The following PREX2 variants were observed in gnomAD, a reference collection of about 807,000 sequenced individuals.
PREX2 encodes the protein phosphatidylinositol 3,4,5-trisphosphate-dependent Rac exchanger 2 protein.
A neutral mutation model predicts 203.2 loss-of-function variants in PREX2; 107 were observed. That is an observed-to-expected ratio of 0.53 (90% confidence interval 0.45 to 0.62). The LOEUF is 0.62. Ranked by LOEUF, PREX2 falls within the 20% of genes least tolerant of loss-of-function variation. The pLI is 0.00. For synonymous variants in PREX2, 672 were observed against 663.6 expected, an observed-to-expected ratio of 1.01 and a Z score of -0.19; for missense variants, 1,777 against 1,955.9, an observed-to-expected ratio of 0.91 and a Z score of 1.72.
chr8:68,023,474 T>C (rs1486722937), intron 4 of PREX2, among the ~76,000 whole-genome samples: 1 of 152,168 alleles, frequency 6.6e-6, no homozygotes, highest in Non-Finnish European at 1.5e-5. Flanking sequence ...AATTGGGATG[T>C]TTATTGTATA....
At chr8:68,192,898 C>T (rs999722514) in intron 37 of PREX2, among the ~76,000 whole-genome samples, 2 of 152,200 alleles carry the variant, frequency 1.3e-5, no homozygotes, top group African/African-American at 4.8e-5. Context: ...TTCCACTATT[C>T]AGTGGTTCCA....
rs1040054096 is a variant in PREX2 at position 68,093,696 on chromosome 8, G to T, written c.2342G>T (p.Gly781Val). 1.9e-6 allele frequency: 3 copies of T among 1,603,460 alleles called. No homozygotes were observed. Among genetic ancestry groups the T allele is most frequent in the Non-Finnish European group, 1.7e-6 (2 of 1,170,936 alleles). Residue 781 changes from glycine to valine, a missense_variant, in exon 21 of 40, where the codon GGG (glycine) becomes GTG (valine). Physicochemically the swap from Gly to Val is moderately radical, Grantham distance 109 (BLOSUM62 -3). Coordinates refer to ENST00000288368, the MANE Select transcript of PREX2 (RefSeq NM_024870.4). ...TCCAAGCCCCCTGGAGATGAAGCAGGGGATGCTTTTGACTGTAAAGTAGAA... is the reference window on the plus strand; with the variant it reads ...TCCAAGCCCCCTGGAGATGAAGCAGTGGATGCTTTTGACTGTAAAGTAGAA... ...SHSKPPGDEA[G>V]DAFDCKVEEV...
intron 39 of PREX2, among the ~76,000 whole-genome samples, chr8:68,229,554 C>G (rs757184017): frequency 2.0e-5 from 3 of 152,184 alleles, no homozygotes; most frequent in Admixed American, 2.0e-4. Flanking sequence ...TGAATCTGCC[C>G]AGTTCCACAA....
chr8:68,120,145 G>C, intron 28 of PREX2, 51 bp from the exon 29 acceptor site: 3 of 1,137,956 alleles, frequency 2.6e-6, no homozygotes, highest in Non-Finnish European at 3.9e-6. Context: ...TTAGAAATAC[G>C]TATCATGTAC....
chr8:68,102,930 C>A (rs746275568), intron 23 of PREX2: 8 of 517,554 alleles, frequency 1.5e-5, no homozygotes, highest in Non-Finnish European at 1.9e-5. Flanking sequence ...GGGGACAATT[C>A]GGAAGTAAAA....
intron 23 of PREX2, chr8:68,106,302 G>A (rs764499471): frequency 3.9e-6 from 2 of 508,740 alleles, no homozygotes; most frequent in South Asian, 2.9e-5. Context: ...AAAGTTTTTT[G>A]CATCTAGCCT....
At chr8:68,102,766 G>A (rs770504308) in intron 23 of PREX2, 3 of 503,378 alleles carry the variant, frequency 6.0e-6, no homozygotes, top group Non-Finnish European at 1.2e-5. Flanking sequence ...GATTGCTATA[G>A]TTTCTGTAGT....
At chr8:68,052,218 G>A (rs1303461308) in intron 8 of PREX2, among the ~76,000 whole-genome samples, 1 of 152,154 alleles carries the variant, frequency 6.6e-6, no homozygotes, top group Non-Finnish European at 1.5e-5. Flanking sequence ...CACATGAAAA[G>A]GGTCACTTTA....
At chr8:68,122,438 A>T (rs1370118188) in intron 30 of PREX2, among the ~76,000 whole-genome samples, 1 of 152,060 alleles carries the variant, frequency 6.6e-6, no homozygotes, top group Non-Finnish European at 1.5e-5. Flanking sequence ...CCAAAATATG[A>T]ATAGCATAAA....
rs151246026 is a variant in PREX2, at chr8:68,180,812, G to A, written c.4347-10910G>A. 4.2e-3 allele frequency among the ~76,000 whole-genome samples: 632 copies of A among 152,212 alleles called. 2 individuals carry two copies. Among genetic ancestry groups the A allele is most frequent in the Non-Finnish European group, 7.4e-3 (506 of 67,996 alleles). On this transcript the variant is annotated intron_variant, in intron 35 of 39. Transcript: ENST00000288368. ...AATGGTTCTCGTAGGATGACAGTCC[G>A]CTGAGGAGAGTGGGTTGAAGATTTG...
intron 15 of PREX2, among the ~76,000 whole-genome samples, chr8:68,080,002 T>C (rs1256227441): frequency 4.0e-5 from 6 of 151,850 alleles, no homozygotes; most frequent in Non-Finnish European, 7.4e-5. Context: ...AGGCAACACT[T>C]AACCCATTTG....
intron 38 of PREX2, among the ~76,000 whole-genome samples, chr8:68,224,149 G>T (rs1813011065): frequency 1.3e-5 from 2 of 152,076 alleles, no homozygotes; most frequent in Non-Finnish European, 1.5e-5. Context: ...CTTTCGAGTA[G>T]CTGGGACCAC....
At chr8:68,064,703 CCTT>C (rs1368900454) in intron 11 of PREX2, among the ~76,000 whole-genome samples, 11 of 152,042 alleles carry the variant, frequency 7.2e-5, no homozygotes, top group Non-Finnish European at 1.5e-5. Flanking sequence ...AAATGTGTCA[CCTT>C]CTCATTATTT....
At chr8:68,201,225 G>A (rs2129614893) in intron 37 of PREX2, among the ~76,000 whole-genome samples, 1 of 152,176 alleles carries the variant, frequency 6.6e-6, no homozygotes, top group South Asian at 2.1e-4. Flanking sequence ...ATCTTCCAGA[G>A]GAGGGAAGAA....
At chr8:68,110,669 T>A (rs2129612863) in intron 25 of PREX2, among the ~76,000 whole-genome samples, 1 of 152,314 alleles carries the variant, frequency 6.6e-6, no homozygotes, top group Admixed American at 6.5e-5. Context: ...CACAAAATAT[T>A]TAGAACTTAT....
intron 1 of PREX2, among the ~76,000 whole-genome samples, chr8:68,006,332 A>G (rs538122589): frequency 6.6e-6 from 1 of 152,148 alleles, no homozygotes; most frequent in South Asian, 2.1e-4. Flanking sequence ...GTGTACATCC[A>G]CTCTATACAA....
intron 7 of PREX2, among the ~76,000 whole-genome samples, chr8:68,039,990 A>T (rs946743729): frequency 2.0e-5 from 3 of 152,096 alleles, no homozygotes; most frequent in African/African-American, 7.2e-5. Context: ...CCTTGCTCAA[A>T]GCCCTCATTG....
chr8:68,152,694 G>C (rs984224957), intron 34 of PREX2, among the ~76,000 whole-genome samples: 1 of 152,086 alleles, frequency 6.6e-6, no homozygotes, highest in Middle Eastern at 3.2e-3. Context: ...GCACAAGGAA[G>C]GCCTGGATTT....
intron 1 of PREX2, among the ~76,000 whole-genome samples, chr8:67,992,350 A>G (rs1806634701): frequency 1.3e-5 from 2 of 152,188 alleles, no homozygotes; most frequent in South Asian, 4.1e-4. Context: ...CTCTATTTTC[A>G]TGGATAAATG....
Sources: gnomAD v4.1 joint callset for allele counts (sites outside exome capture counted in the v4.1 genomes callset) on GRCh38, gnomAD v4.1.1 for gene constraint, MANE v1.5 for transcripts, NCBI Gene and HGNC (gene_info 2026-07-23, HGNC 2026-07-21) for gene names.